The following OSBPL10 variants were observed in gnomAD, a reference collection of about 807,000 sequenced individuals.
OSBPL10 encodes oxysterol-binding protein-related protein 10.
OSBPL10 carries 49 observed loss-of-function variants against 81.7 expected under a neutral mutation model. The observed-to-expected ratio is 0.60, with a 90% CI of 0.48 to 0.76. OSBPL10 has a LOEUF of 0.76. Ranked by LOEUF, OSBPL10 falls within the 30% of genes least tolerant of loss-of-function variation. The pLI is 0.00. For missense variants in OSBPL10, 923 were observed against 987.8 expected, an observed-to-expected ratio of 0.93 and a Z score of 0.88; for synonymous variants, 419 against 383.6, an observed-to-expected ratio of 1.09 and a Z score of -1.08.
At chr3:31,708,101 T>C (rs942995133) in intron 6 of OSBPL10, among the ~76,000 whole-genome samples, 1 of 152,142 alleles carries the variant, frequency 6.6e-6, no homozygotes, top group Admixed American at 6.5e-5. Context: ...GTTAAAATTT[T>C]TAAATTTTTT....
intron 4 of OSBPL10, among the ~76,000 whole-genome samples, chr3:31,791,868 A>G (rs969656766): frequency 6.6e-6 from 1 of 152,034 alleles, no homozygotes; most frequent in African/African-American, 2.4e-5. Flanking sequence ...AAAAAATAAG[A>G]AACAGATTAC....
intron 7 of OSBPL10, among the ~76,000 whole-genome samples, chr3:31,697,153 G>A (rs557282278): frequency 3.7e-4 from 57 of 152,266 alleles, no homozygotes; most frequent in African/African-American, 1.2e-3. Flanking sequence ...AAGGCTTACC[G>A]GCTTCCACTT....
intron 4 of OSBPL10, among the ~76,000 whole-genome samples, chr3:31,769,654 T>C (rs2125743351): frequency 6.6e-6 from 1 of 151,596 alleles, no homozygotes; most frequent in South Asian, 2.1e-4. Context: ...ACTGTAGCTG[T>C]GCAGACTACA....
chr3:31,932,696 TCTC>T, intron 1 of OSBPL10, among the ~76,000 whole-genome samples: 1 of 151,854 alleles, frequency 6.6e-6, no homozygotes, highest in African/African-American at 2.4e-5. Context: ...GTCTGCTCCT[TCTC>T]CTCCCCCTCC....
chr3:31,673,606 TG>T (rs1269353814), intron 8 of OSBPL10, among the ~76,000 whole-genome samples: 1 of 152,156 alleles, frequency 6.6e-6, no homozygotes, highest in Non-Finnish European at 1.5e-5. Flanking sequence ...GATAGTCCAC[TG>T]CCACCCTCCC....
intron 6 of OSBPL10, chr3:31,708,609 G>T (rs1007985729): frequency 1.7e-6 from 1 of 578,554 alleles, no homozygotes; most frequent in Non-Finnish European, 2.2e-6. Flanking sequence ...ACTACCAAGT[G>T]CAAGGCATTC....
chr3:31,819,035 C>A (rs1452488953), intron 4 of OSBPL10, among the ~76,000 whole-genome samples: 1 of 152,222 alleles, frequency 6.6e-6, no homozygotes, highest in Non-Finnish European at 1.5e-5. Flanking sequence ...GCTAAGATTG[C>A]CACTTTCAGG....
At chr3:31,944,385 T>C (rs764542904) in intron 1 of OSBPL10, among the ~76,000 whole-genome samples, 13 of 152,182 alleles carry the variant, frequency 8.5e-5, no homozygotes, top group Non-Finnish European at 1.5e-4. Flanking sequence ...TGTTAGCAAT[T>C]ATCTTTTCTA....
intron 2 of OSBPL10, among the ~76,000 whole-genome samples, chr3:32,005,440 T>C (rs59229615): frequency 1.8e-5 from 2 of 111,444 alleles, no homozygotes; most frequent in African/African-American, 6.1e-5. Flanking sequence ...TGTCCCTTTA[T>C]GGACTGTGAG....
chr3:32,048,494 G>A (rs1395080682), intron 1 of OSBPL10, among the ~76,000 whole-genome samples: 6 of 151,744 alleles, frequency 4.0e-5, no homozygotes, highest in African/African-American at 1.2e-4. Flanking sequence ...TTCAGTAGAG[G>A]CGGGGTTTCA....
chr3:31,712,273 A>C (rs892716936), intron 6 of OSBPL10, among the ~76,000 whole-genome samples: 1 of 152,196 alleles, frequency 6.6e-6, no homozygotes, highest in Non-Finnish European at 1.5e-5. Context: ...CCAGTGGCCT[A>C]TTCAACATCT....
chr3:31,906,682 C>CCACACTGGCTA (rs1484691828), intron 1 of OSBPL10, among the ~76,000 whole-genome samples: 2 of 152,178 alleles, frequency 1.3e-5, no homozygotes, highest in African/African-American at 4.8e-5. Context: ...AATCCTCCTC[C>CCACACTGGCTA]CACACTGGCT....
intron 3 of OSBPL10, among the ~76,000 whole-genome samples, chr3:31,868,773 A>G (rs1271446687): frequency 1.3e-5 from 2 of 152,198 alleles, no homozygotes; most frequent in Non-Finnish European, 2.9e-5. Flanking sequence ...ATGTTCCCTA[A>G]TCACTTGACT....
At chr3:31,794,986 T>G in intron 4 of OSBPL10, 1 of 286,958 alleles carries the variant, frequency 3.5e-6, no homozygotes, top group Middle Eastern at 4.8e-4. Context: ...ATTTATCTCT[T>G]ATGAGGTTGG....
In OSBPL10 at chr3:32,018,148, CAATAAATAAATAAATAAATA is replaced by C. The variant is rs199908017; in HGVS notation, n.298+28323_298+28342del. On this transcript the variant is annotated intron_variant and non_coding_transcript_variant, in intron 2 of 3. Coordinates refer to the OSBPL10 transcript ENST00000479173. ...GGGCAACAAGAGTAAAACTCCATCT[CAATAAATAAATAAATAAATA>C]AATAAATAAATAAATAAATAAATAA... is the stretch of plus-strand genomic sequence containing the variant. 1.4e-3 allele frequency among the ~76,000 whole-genome samples: 199 copies of C among 141,976 alleles called. 2 individuals are homozygous for C. Among genetic ancestry groups the C allele is most frequent in the African/African-American group, 4.8e-3 (183 of 38,314 alleles). 93.1% of individuals were successfully genotyped at this position (141,976 alleles called of 152,430 possible).
At chr3:31,812,638 C>G (rs955696285) in intron 4 of OSBPL10, among the ~76,000 whole-genome samples, 17 of 150,720 alleles carry the variant, frequency 1.1e-4, no homozygotes, top group Non-Finnish European at 2.5e-4. Context: ...ATCTTCACCA[C>G]ACCTTCTCAT....
intron 1 of OSBPL10, among the ~76,000 whole-genome samples, chr3:31,967,809 C>T (rs1459952455): frequency 6.6e-6 from 1 of 152,166 alleles, no homozygotes; most frequent in Non-Finnish European, 1.5e-5. Flanking sequence ...TTTTATCACA[C>T]CTGGGCATCT....
intron 1 of OSBPL10, among the ~76,000 whole-genome samples, chr3:31,918,507 G>GGAATGGAAA (rs1696820644): frequency 7.9e-6 from 1 of 126,364 alleles, no homozygotes; most frequent in African/African-American, 2.5e-5. Context: ...TAAAGAGTTT[G>GGAATGGAAA]GAATGGAAAA....
At chr3:31,903,559 G>A (rs1696317231) in intron 1 of OSBPL10, among the ~76,000 whole-genome samples, 2 of 151,980 alleles carry the variant, frequency 1.3e-5, no homozygotes, top group African/African-American at 4.8e-5. Context: ...TCAAACTCCT[G>A]GACTCAAACA....
Sources: gnomAD v4.1 joint callset for allele counts (sites outside exome capture counted in the v4.1 genomes callset) on GRCh38, gnomAD v4.1.1 for gene constraint, MANE v1.5 for transcripts, NCBI Gene and HGNC (gene_info 2026-07-23, HGNC 2026-07-21) for gene names.